Variants in KIF6 observed in about 807,000 individuals in gnomAD.
The protein encoded by KIF6 is kinesin family member 6.
KIF6 carries 106 observed loss-of-function variants against 112.7 expected under a neutral mutation model. That is an observed-to-expected ratio of 0.94 (90% CI 0.80 to 1.11). KIF6 has a LOEUF of 1.11. Ranked by LOEUF, KIF6 falls within the 50% of genes least tolerant of loss-of-function variation. The pLI, the probability that KIF6 is intolerant of heterozygous loss-of-function variation, is 0.00. For synonymous variants in KIF6, 339 were observed against 339.9 expected, an observed-to-expected ratio of 1.00 and a Z score of 0.03; for missense variants, 929 against 964.0, an observed-to-expected ratio of 0.96 and a Z score of 0.48.
intron 10 of KIF6, among the ~76,000 whole-genome samples, chr6:39,559,171 T>C (rs1377909205): frequency 1.3e-5 from 2 of 152,218 alleles, no homozygotes; most frequent in African/African-American, 2.4e-5. Context: ...ACCTCTGGGA[T>C]ATTTAATCCA....
chr6:39,522,620 T>C (rs1374590169), intron 13 of KIF6, among the ~76,000 whole-genome samples: 1 of 152,232 alleles, frequency 6.6e-6, no homozygotes, highest in Non-Finnish European at 1.5e-5. Flanking sequence ...CACTGATCAC[T>C]TTCCACCCAG....
At chr6:39,522,857 C>T (rs1023150686) in intron 13 of KIF6, among the ~76,000 whole-genome samples, 2 of 152,168 alleles carry the variant, frequency 1.3e-5, no homozygotes, top group Admixed American at 6.5e-5. Context: ...CTTTGGTCCT[C>T]TTTTCCTCTT....
intron 19 of KIF6, among the ~76,000 whole-genome samples, chr6:39,349,200 T>G (rs182027745): frequency 6.6e-6 from 1 of 152,248 alleles, no homozygotes; most frequent in Admixed American, 6.5e-5. Context: ...TAAGTTGGAA[T>G]ACCTAAGGAA....
intron 16 of KIF6, among the ~76,000 whole-genome samples, chr6:39,380,377 G>T (rs574267484): frequency 1.3e-5 from 2 of 152,278 alleles, no homozygotes; most frequent in Admixed American, 1.3e-4. Context: ...GTCTTCATTA[G>T]TTCTCCTGTC....
intron 3 of KIF6, among the ~76,000 whole-genome samples, chr6:39,681,242 T>A (rs1787491912): frequency 6.6e-6 from 1 of 152,216 alleles, no homozygotes; most frequent in Non-Finnish European, 1.5e-5. Context: ...ACCAAGCTGT[T>A]TCCATATTTC....
chr6:39,562,194 A>C (rs1320828782), intron 10 of KIF6, among the ~76,000 whole-genome samples: 1 of 152,232 alleles, frequency 6.6e-6, no homozygotes, highest in Admixed American at 6.5e-5. Context: ...TTACTTCTAC[A>C]TAAACTGTCT....
intron 10 of KIF6, among the ~76,000 whole-genome samples, chr6:39,564,579 A>G (rs1185824365): frequency 6.6e-6 from 1 of 152,202 alleles, no homozygotes; most frequent in Non-Finnish European, 1.5e-5. Flanking sequence ...AAGCTTCTAC[A>G]AAAGAGCCTG....
intron 13 of KIF6, among the ~76,000 whole-genome samples, chr6:39,453,274 G>A (rs938042357): frequency 5.3e-5 from 8 of 152,216 alleles, no homozygotes; most frequent in African/African-American, 1.7e-4. Context: ...ATTCTCCGAT[G>A]TCTGGGGTGT....
chr6:39,380,315 C>A (rs1262775547), intron 16 of KIF6, among the ~76,000 whole-genome samples: 1 of 152,242 alleles, frequency 6.6e-6, no homozygotes, highest in Non-Finnish European at 1.5e-5. Context: ...CCAGCTCTGA[C>A]TGTCACATCT....
At chr6:39,662,768 G>A (rs770098091) in intron 3 of KIF6, among the ~76,000 whole-genome samples, 1 of 152,164 alleles carries the variant, frequency 6.6e-6, no homozygotes, top group Non-Finnish European at 1.5e-5. Context: ...CAAAAGCAAG[G>A]TGTTTCTCTG....
Position 39,634,973 on chromosome 6 carries a change from G to C in KIF6, c.400-15C>G. ...TTGCTGCTGTCCTGATTGGAAAAGGGAAAGGTATTATTTATCGGTTATAAC... is the reference window on the plus strand; with the variant it reads ...TTGCTGCTGTCCTGATTGGAAAAGGCAAAGGTATTATTTATCGGTTATAAC... On this transcript the variant is annotated splice_polypyrimidine_tract_variant and intron_variant, in intron 4 of 22. Coordinates refer to ENST00000287152, the MANE Select transcript of KIF6 (RefSeq NM_145027.6). The C allele has an allele frequency of 7.3e-7, 1 of 1,363,938 alleles. No homozygotes were observed. The highest frequency in any genetic ancestry group is 1.4e-5 in the African/African-American group (1 of 70,138). The allele number at this position is 1,363,938 out of a possible 1,614,324, so 84.5% of individuals were successfully genotyped here.
intron 13 of KIF6, among the ~76,000 whole-genome samples, chr6:39,432,567 C>G (rs1452689387): frequency 6.6e-6 from 1 of 152,134 alleles, no homozygotes; most frequent in Non-Finnish European, 1.5e-5. Flanking sequence ...TACACCCCAC[C>G]CTTTTCTGAT....
At chr6:39,719,099 A>G (rs1790045722) in intron 2 of KIF6, among the ~76,000 whole-genome samples, 1 of 152,192 alleles carries the variant, frequency 6.6e-6, no homozygotes, top group African/African-American at 2.4e-5. Context: ...CAGGTGGATC[A>G]CTTGAGATCA....
chr6:39,552,015 C>G (rs1016468447), intron 10 of KIF6, among the ~76,000 whole-genome samples: 1 of 152,200 alleles, frequency 6.6e-6, no homozygotes, highest in African/African-American at 2.4e-5. Flanking sequence ...CATCCCAGAC[C>G]TCCTGAGTCA....
rs1335063051 is a variant in KIF6 at position 39,544,786 on chromosome 6, A to T, written c.1288-93T>A. ...TTTCCTTTAACAATTCCCTGCACAC[A>T]TCAGGCATGTGTGACCTGTCTGATG... is the stretch of plus-strand genomic sequence containing the variant. On this transcript the variant is annotated intron_variant, in intron 11 of 22. Transcript: ENST00000287152. The T allele has an allele frequency of 8.4e-6, 6 of 716,804 alleles. No homozygotes were observed. In the South Asian group the frequency reaches 1.3e-4, roughly 16 times the overall value. The allele number at this position is 716,804 out of a possible 1,614,324, so 44.4% of individuals were successfully genotyped here. A position where few individuals can be genotyped will look rare whatever the true frequency, so the allele number is the denominator to read the frequency against.
chr6:39,522,115 T>C (rs1163787092), intron 13 of KIF6, among the ~76,000 whole-genome samples: 1 of 152,192 alleles, frequency 6.6e-6, no homozygotes, highest in Non-Finnish European at 1.5e-5. Flanking sequence ...TTCACTGACA[T>C]CTCACTTTCC....
At chr6:39,634,816 T>C (rs747459393) in intron 5 of KIF6, 33 bp downstream of exon 5, 4 of 1,206,558 alleles carry the variant, frequency 3.3e-6, no homozygotes, top group Non-Finnish European at 4.9e-6. Flanking sequence ...CTGAAAGTAA[T>C]TTCCCTCCAT....
intron 3 of KIF6, among the ~76,000 whole-genome samples, chr6:39,658,410 C>A (rs1785927844): frequency 1.3e-5 from 2 of 152,032 alleles, no homozygotes; most frequent in African/African-American, 4.8e-5. Flanking sequence ...ATAGAAAGCA[C>A]CTATTTCCAA....
intron 5 of KIF6, among the ~76,000 whole-genome samples, chr6:39,625,913 G>A (rs1237239826): frequency 6.6e-6 from 1 of 152,080 alleles, no homozygotes; most frequent in East Asian, 1.9e-4. Context: ...ATTCATGTTT[G>A]ACAGTTTCCA....
Sources: allele counts gnomAD v4.1 joint callset (sites outside exome capture counted in the v4.1 genomes callset), GRCh38; gene constraint gnomAD v4.1.1; transcripts MANE v1.5; gene names NCBI Gene and HGNC (gene_info 2026-07-23, HGNC 2026-07-21).